The following PCDH15 variants were observed in gnomAD, a reference collection of about 807,000 sequenced individuals.
PCDH15 encodes the protein protocadherin-15.
In PCDH15, 129 loss-of-function variants were observed where a neutral mutation model predicts 178.5. The ratio of observed to expected loss-of-function variants is 0.72; its 90% CI spans 0.63 to 0.84. The LOEUF is 0.84. PCDH15 is among the 40% of genes least tolerant of loss of function. The probability of loss-of-function intolerance (pLI) is 0.00; values close to 1 mark genes in which losing one functional copy is unlikely to be tolerated. For missense variants in PCDH15, 2,230 were observed against 2,099.9 expected (o/e 1.06, Z -1.21); for synonymous variants, 800 against 732.0 (o/e 1.09, Z -1.50).
At position 54,796,282 on chromosome 10, in the gene PCDH15, GTATCTATCTATC is replaced by G. The variant is rs57641746; in HGVS notation, c.-29+4631_-29+4642del. Among the ~76,000 whole-genome samples, 408 of 126,422 alleles carry G rather than the reference GTATCTATCTATC, an allele frequency of 3.2e-3. 3 individuals carry two copies. The highest frequency in any genetic ancestry group is 0.012 in the African/African-American group (386 of 32,866). The allele number at this position is 126,422 out of a possible 152,430, so 82.9% of individuals were successfully genotyped here. A position where few individuals can be genotyped will look rare whatever the true frequency, so the allele number is the denominator to read the frequency against. On this transcript the variant is annotated intron_variant, in intron 1 of 37. Transcript: ENST00000644397. ...TCTATCTATCTATCTATGTATCTAT[GTATCTATCTATC>G]TATCTATCTATCTATCTATCTATCT...
intron 16 of PCDH15, among the ~76,000 whole-genome samples, chr10:54,082,251 A>G (rs548155682): frequency 4.4e-4 from 67 of 152,320 alleles, no homozygotes; most frequent in African/African-American, 1.6e-3. Flanking sequence ...AAAGCAGAAA[A>G]GCAGTGGGCA....
chr10:54,163,830 C>A (rs764275511), intron 13 of PCDH15, among the ~76,000 whole-genome samples: 1 of 151,996 alleles, frequency 6.6e-6, no homozygotes, highest in Non-Finnish European at 1.5e-5. Context: ...ATAATAAATT[C>A]TGATGTATTT....
chr10:55,513,800 C>T (rs1307632311), intron 2 of PCDH15, among the ~76,000 whole-genome samples: 1 of 152,034 alleles, frequency 6.6e-6, no homozygotes, highest in East Asian at 1.9e-4. Flanking sequence ...TATATTAGCA[C>T]CAAACACTAC....
At chr10:55,492,266 A>C (rs2132129278) in intron 2 of PCDH15, among the ~76,000 whole-genome samples, 1 of 151,904 alleles carries the variant, frequency 6.6e-6, no homozygotes, top group South Asian at 2.1e-4. Context: ...AGCTGTAAAA[A>C]CAGCCTTTTC....
intron 1 of PCDH15, among the ~76,000 whole-genome samples, chr10:55,246,929 C>A (rs1333987944): frequency 6.6e-6 from 1 of 152,064 alleles, no homozygotes; most frequent in Non-Finnish European, 1.5e-5. Flanking sequence ...TGCTATTTTT[C>A]TTCTCATATA....
intron 26 of PCDH15, among the ~76,000 whole-genome samples, chr10:53,901,256 G>T (rs894665542): frequency 1.3e-5 from 2 of 152,064 alleles, no homozygotes; most frequent in Admixed American, 1.3e-4. Flanking sequence ...GCCTTGCCAA[G>T]AATTAGGTTT....
At chr10:55,543,552 T>C (rs538826044) in intron 2 of PCDH15, among the ~76,000 whole-genome samples, 3 of 151,612 alleles carry the variant, frequency 2.0e-5, no homozygotes, top group African/African-American at 7.2e-5. Context: ...ACCAAGGATA[T>C]TTAACAGATA....
In PCDH15 at chr10:54,012,589, T is replaced by G. The variant is rs911382079; in HGVS notation, c.2751+7603A>C. On this transcript the variant is annotated intron_variant, in intron 20 of 37. Transcript: ENST00000644397. ...CAAAGAGAACCCATCAGGCTAACAG[T>G]GGACCTTTCAGCAGAAACCCTATAA... Among the ~76,000 whole-genome samples, 6 of 152,170 alleles carry G rather than the reference T, an allele frequency of 3.9e-5. No individual in the cohort carries two copies. The South Asian group carries it at 6.2e-4, about 16-fold the overall frequency.
intron 8 of PCDH15, among the ~76,000 whole-genome samples, chr10:54,248,162 G>T (rs1025231763): frequency 2.0e-5 from 3 of 151,678 alleles, no homozygotes; most frequent in African/African-American, 7.3e-5. Context: ...ATAGGACAGT[G>T]ATATGAATTT....
intron 2 of PCDH15, among the ~76,000 whole-genome samples, chr10:54,641,253 A>G (rs901773965): frequency 1.1e-4 from 17 of 152,236 alleles, no homozygotes; most frequent in African/African-American, 3.9e-4. Context: ...AATCCAAGAA[A>G]TGCACAAAAT....
At chr10:55,313,712 G>A (rs1266752148) in intron 1 of PCDH15, among the ~76,000 whole-genome samples, 1 of 152,124 alleles carries the variant, frequency 6.6e-6, no homozygotes, top group East Asian at 1.9e-4. Flanking sequence ...ATTATAAAAT[G>A]CTATATGCCA....
intron 3 of PCDH15, among the ~76,000 whole-genome samples, chr10:54,833,388 A>T (rs1318306532): frequency 6.6e-6 from 1 of 152,214 alleles, no homozygotes; most frequent in Non-Finnish European, 1.5e-5. Context: ...AGTAAAGCAG[A>T]TTACCCTCCA....
At chr10:55,424,258 T>C (rs571297289) in intron 2 of PCDH15, among the ~76,000 whole-genome samples, 78 of 152,176 alleles carry the variant, frequency 5.1e-4, no homozygotes, top group African/African-American at 1.8e-3. Context: ...TAGAACTAAT[T>C]ATTCTTTGTG....
chr10:54,522,947 T>C (rs2083026108), intron 3 of PCDH15, among the ~76,000 whole-genome samples: 1 of 152,152 alleles, frequency 6.6e-6, no homozygotes, highest in African/African-American at 2.4e-5. Flanking sequence ...TCTTTCTTAC[T>C]CAAAACCAAC....
At chr10:54,399,631 A>G (rs1353563202) in intron 3 of PCDH15, among the ~76,000 whole-genome samples, 1 of 152,092 alleles carries the variant, frequency 6.6e-6, no homozygotes, top group Non-Finnish European at 1.5e-5. Context: ...ATGAGTCTCA[A>G]GTGAGTATTT....
At position 54,765,617 on chromosome 10, in the gene PCDH15, A is replaced by C. The variant is rs548633080; in HGVS notation, c.-29+35308T>G. On this transcript the variant is annotated intron_variant, in intron 1 of 37. Transcript: ENST00000644397. ...AAAAGTATTACCTGTATTACAGTGA[A>C]AAATACCTAATGACCTTCTACAATG... 2.0e-5 allele frequency among the ~76,000 whole-genome samples: 3 copies of C among 152,312 alleles called. No individual in the cohort carries two copies. The South Asian group carries it at 6.2e-4, about 32-fold the overall frequency.
intron 18 of PCDH15, among the ~76,000 whole-genome samples, chr10:54,040,084 T>C (rs950443674): frequency 6.6e-6 from 1 of 152,038 alleles, no homozygotes; most frequent in Non-Finnish European, 1.5e-5. Context: ...ACATACACTA[T>C]GTTTCCTAAT....
rs890070596 is a variant in PCDH15 at position 55,536,589 on chromosome 10, T to C, written c.-156+91036A>G. On this transcript the variant is annotated intron_variant, in intron 2 of 5. Coordinates refer to the PCDH15 transcript ENST00000613346. ...ACAGAAGACATACGCATACAAGCAT[T>C]TGGAAAAAAGCACTTTTCATTCACT... 4.6e-5 allele frequency among the ~76,000 whole-genome samples: 7 copies of C among 152,116 alleles called. 1 individual carries two copies. Among genetic ancestry groups the C allele is most frequent in the Admixed American group, 3.9e-4 (6 of 15,258 alleles).
intron 13 of PCDH15, among the ~76,000 whole-genome samples, chr10:54,154,367 T>C (rs1270887390): frequency 6.6e-6 from 1 of 152,182 alleles, no homozygotes; most frequent in Non-Finnish European, 1.5e-5. Flanking sequence ...CATGTAATTG[T>C]AGTAAATTAA....
Sources: gnomAD v4.1 joint callset for allele counts (sites outside exome capture counted in the v4.1 genomes callset) on GRCh38, gnomAD v4.1.1 for gene constraint, MANE v1.5 for transcripts, NCBI Gene and HGNC (gene_info 2026-07-23, HGNC 2026-07-21) for gene names.